The following CSMD3 variants were observed in gnomAD, a reference collection of about 807,000 sequenced individuals.
CSMD3 encodes CUB and sushi domain-containing protein 3.
CSMD3 carries 177 observed loss-of-function variants against 435.2 expected under a neutral mutation model. The observed-to-expected ratio is 0.41, with a 90% confidence interval of 0.36 to 0.46. CSMD3 has a LOEUF of 0.46. CSMD3 is among the 20% of genes least tolerant of loss of function. The pLI is 0.34. For synonymous variants in CSMD3, 1,656 were observed against 1,520.5 expected (o/e 1.09, Z -2.07); for missense variants, 4,265 against 4,504.6 (o/e 0.95, Z 1.52).
intron 8 of CSMD3, among the ~76,000 whole-genome samples, chr8:112,954,115 T>G (rs2083923371): frequency 6.6e-6 from 1 of 151,496 alleles, no homozygotes; most frequent in South Asian, 2.1e-4. Context: ...AGAGCCCTGA[T>G]TTTGTAAGTG....
chr8:112,349,374 A>G (rs898639464), intron 40 of CSMD3, among the ~76,000 whole-genome samples: 1 of 152,096 alleles, frequency 6.6e-6, no homozygotes, highest in Non-Finnish European at 1.5e-5. Context: ...CTATATATAT[A>G]TAGTATCCCA....
intron 1 of CSMD3, among the ~76,000 whole-genome samples, chr8:113,351,936 AT>A (rs918057737): frequency 1.3e-3 from 196 of 151,714 alleles, no homozygotes; most frequent in African/African-American, 4.6e-3. Flanking sequence ...TTGCTTAATG[AT>A]TTTTTTTTAT....
intron 58 of CSMD3, among the ~76,000 whole-genome samples, chr8:112,286,165 T>C (rs2130624551): frequency 6.6e-6 from 1 of 152,304 alleles, no homozygotes; most frequent in East Asian, 1.9e-4. Context: ...TCTATATTTT[T>C]CCATTTCTAC....
intron 38 of CSMD3, among the ~76,000 whole-genome samples, chr8:112,379,435 T>C (rs1314217694): frequency 6.6e-6 from 1 of 151,936 alleles, no homozygotes; most frequent in Non-Finnish European, 1.5e-5. Flanking sequence ...TGCCATTCCA[T>C]TCTAGCCTGG....
At chr8:113,259,210 T>C (rs2093407235) in intron 3 of CSMD3, among the ~76,000 whole-genome samples, 2 of 152,188 alleles carry the variant, frequency 1.3e-5, no homozygotes, top group African/African-American at 4.8e-5. Context: ...TGTGACTTGC[T>C]TGAGCCAATG....
intron 5 of CSMD3, among the ~76,000 whole-genome samples, chr8:113,062,781 A>G (rs1052850703): frequency 5.3e-5 from 8 of 151,866 alleles, no homozygotes; most frequent in Non-Finnish European, 1.2e-4. Flanking sequence ...GCTGCATATT[A>G]TATTGAGCCA....
intron 50 of CSMD3, 77 bp from the exon 51 acceptor site, chr8:112,306,269 A>G: frequency 1.0e-6 from 1 of 988,992 alleles, no homozygotes; most frequent in Non-Finnish European, 1.6e-6. Flanking sequence ...GCTGAACTGT[A>G]AAACATGCAA....
intron 5 of CSMD3, among the ~76,000 whole-genome samples, chr8:113,086,080 A>AC (rs1491585862): frequency 6.5e-4 from 86 of 133,186 alleles, no homozygotes; most frequent in African/African-American, 2.5e-3. Context: ...TACTAAAAAT[A>AC]AACACACACA....
intron 24 of CSMD3, among the ~76,000 whole-genome samples, chr8:112,571,171 C>A (rs1284582330): frequency 6.6e-6 from 1 of 151,960 alleles, no homozygotes; most frequent in Non-Finnish European, 1.5e-5. Context: ...CCACGCCCAG[C>A]TAATTTTGTA....
At chr8:112,940,349 G>T (rs1283082655) in intron 9 of CSMD3, among the ~76,000 whole-genome samples, 10 of 151,522 alleles carry the variant, frequency 6.6e-5, no homozygotes, top group Admixed American at 4.0e-4. Context: ...TGACATAAGA[G>T]ATTTCAATAT....
chr8:112,223,333 C>T lies in CSMD3; in HGVS notation c.*1438G>A. 1 of 336,046 alleles carries T rather than the reference C, an allele frequency of 3.0e-6. No homozygotes were observed. The allele number at this position is 336,046 out of a possible 1,614,324, so 20.8% of individuals were successfully genotyped here. A position where few individuals can be genotyped will look rare whatever the true frequency, so the allele number is the denominator to read the frequency against. ...CCCAGGTGCAAGGGTTTCTCTTAGGCACTCTGTCTCATGATACAAAAAGTC... is the reference window on the plus strand; with the variant it reads ...CCCAGGTGCAAGGGTTTCTCTTAGGTACTCTGTCTCATGATACAAAAAGTC... On this transcript the variant is annotated 3_prime_UTR_variant, in exon 71 of 71. Transcript: ENST00000297405.
At chr8:112,358,876 A>G (rs1826901234) in intron 38 of CSMD3, among the ~76,000 whole-genome samples, 1 of 152,208 alleles carries the variant, frequency 6.6e-6, no homozygotes, top group Non-Finnish European at 1.5e-5. Flanking sequence ...AACCTATGTA[A>G]TAAACATACC....
intron 1 of CSMD3, among the ~76,000 whole-genome samples, chr8:113,360,865 G>A (rs2094270825): frequency 6.6e-6 from 1 of 152,062 alleles, no homozygotes; most frequent in Non-Finnish European, 1.5e-5. Context: ...GAGCCACCGC[G>A]CCCGGCCGTG....
At chr8:112,423,645 A>AAC (rs1171477776) in intron 32 of CSMD3, among the ~76,000 whole-genome samples, 14 of 152,192 alleles carry the variant, frequency 9.2e-5, no homozygotes, top group African/African-American at 3.4e-4. Flanking sequence ...GAGTTTCACC[A>AAC]TGTTGCCCAG....
intron 2 of CSMD3, among the ~76,000 whole-genome samples, chr8:113,295,968 T>TA (rs2093717950): frequency 6.6e-6 from 1 of 151,936 alleles, no homozygotes; most frequent in African/African-American, 2.4e-5. Context: ...TATGCAGCCA[T>TA]AAAAAAGGAT....
chr8:112,282,331 T>C (rs970234213), intron 58 of CSMD3, among the ~76,000 whole-genome samples: 1 of 152,026 alleles, frequency 6.6e-6, no homozygotes, highest in Non-Finnish European at 1.5e-5. Flanking sequence ...AAACTCTAGA[T>C]AATATTTTAA....
intron 5 of CSMD3, among the ~76,000 whole-genome samples, chr8:113,022,120 T>A (rs1315690804): frequency 6.6e-6 from 1 of 152,150 alleles, no homozygotes; most frequent in Non-Finnish European, 1.5e-5. Context: ...AATCTCTATA[T>A]CTCTGTCCTT....
At chr8:112,626,804 C>A (rs1444454135) in intron 22 of CSMD3, among the ~76,000 whole-genome samples, 5 of 152,086 alleles carry the variant, frequency 3.3e-5, no homozygotes, top group Non-Finnish European at 7.4e-5. Flanking sequence ...AAGCAAGAAC[C>A]AGTTTGGGGA....
In CSMD3 at chr8:113,218,168, AT is replaced by A. The variant is rs1319558921; in HGVS notation, c.515-44253del. Among the ~76,000 whole-genome samples the A allele has an allele frequency of 7.5e-3, 1,079 of 144,826 alleles. 10 individuals are homozygous for A. Among genetic ancestry groups the A allele is most frequent in the African/African-American group, 0.018 (738 of 39,910 alleles). On this transcript the variant is annotated intron_variant, in intron 3 of 70. Transcript: ENST00000297405. ...GCATATTCAAGTAAGCTCTAAGTGA[AT>A]TTTTTTTTTTGTTTTTTGACATGAG...
Sources: allele counts gnomAD v4.1 joint callset (sites outside exome capture counted in the v4.1 genomes callset), GRCh38; gene constraint gnomAD v4.1.1; transcripts MANE v1.5; gene names NCBI Gene and HGNC (gene_info 2026-07-23, HGNC 2026-07-21).